LANCL2: variants seen among roughly 807,000 people sequenced by gnomAD.
LANCL2 encodes lanC-like protein 2.
Under a neutral mutation model 56.9 loss-of-function variants are expected in LANCL2, and 33 were observed. That is an observed-to-expected ratio of 0.58 (90% confidence interval 0.44 to 0.78). The LOEUF (loss-of-function observed/expected upper bound fraction) is 0.78, where lower values mean the gene tolerates loss of function less well. Ranked by LOEUF, LANCL2 falls within the 30% of genes least tolerant of loss-of-function variation. LANCL2 has a pLI of 0.00. For synonymous variants in LANCL2, 233 were observed against 228.2 expected (o/e 1.02, Z -0.19); for missense variants, 562 against 580.2 (o/e 0.97, Z 0.32).
At chr7:55,391,103 G>A (rs974415847) in intron 1 of LANCL2, among the ~76,000 whole-genome samples, 3 of 144,170 alleles carry the variant, frequency 2.1e-5, no homozygotes, top group East Asian at 2.2e-4. Flanking sequence ...TGTAAGCTCC[G>A]CCTCCCGGGT....
intron 5 of LANCL2, among the ~76,000 whole-genome samples, chr7:55,403,995 G>A (rs1031534467): frequency 2.0e-5 from 3 of 152,162 alleles, no homozygotes; most frequent in African/African-American, 7.2e-5. Flanking sequence ...GTCATGTCCT[G>A]ATAACTTTGC....
At chr7:55,368,083 A>G (rs566633647) in intron 1 of LANCL2, among the ~76,000 whole-genome samples, 111 of 152,378 alleles carry the variant, frequency 7.3e-4, no homozygotes, top group South Asian at 1.4e-3. Context: ...GGTAGGTTAC[A>G]GCAATGCTTA....
intron 2 of LANCL2, chr7:55,394,181 G>A (rs191085621): frequency 6.6e-6 from 1 of 152,322 alleles, no homozygotes; most frequent in Admixed American, 6.5e-5. Context: ...CATCATGGAA[G>A]TATTTGGTTT....
At position 55,402,811 on chromosome 7, in the gene LANCL2, C is replaced by T. The variant is rs796126445; in HGVS notation, c.825+1491C>T. On this transcript the variant is annotated intron_variant, in intron 5 of 8. Transcript: ENST00000254770. ...CTCCTCACTTCTCAGACGGGGCGGC[C>T]GGGCAGAGACGCTCCTCACATCCCA... Among the ~76,000 whole-genome samples, 18 of 131,060 alleles carry T rather than the reference C, an allele frequency of 1.4e-4. 1 individual carries two copies. Among genetic ancestry groups the T allele is most frequent in the African/African-American group, 4.5e-4 (15 of 33,552 alleles). 86.0% of individuals were successfully genotyped at this position (131,060 alleles called of 152,430 possible). A position where few individuals can be genotyped will look rare whatever the true frequency, so the allele number is the denominator to read the frequency against.
intron 1 of LANCL2, among the ~76,000 whole-genome samples, chr7:55,386,748 G>A (rs1377704737): frequency 6.6e-6 from 1 of 152,298 alleles, no homozygotes; most frequent in South Asian, 2.1e-4. Flanking sequence ...GTGGGTGAAG[G>A]TATCATCTTC....
chr7:55,430,268 A>G (rs2128997047), intron 8 of LANCL2, among the ~76,000 whole-genome samples: 1 of 152,364 alleles, frequency 6.6e-6, no homozygotes, highest in East Asian at 1.9e-4. Flanking sequence ...AAAATGGGTA[A>G]ACAATCTGCA....
chr7:55,429,045 A>G (rs999912719), intron 8 of LANCL2, among the ~76,000 whole-genome samples: 2 of 152,156 alleles, frequency 1.3e-5, no homozygotes, highest in Non-Finnish European at 2.9e-5. Context: ...GTATGTGGGT[A>G]TGGGCGTGCT....
chr7:55,373,804 C>T (rs1789972143), intron 1 of LANCL2, among the ~76,000 whole-genome samples: 1 of 152,108 alleles, frequency 6.6e-6, no homozygotes, highest in African/African-American at 2.4e-5. Context: ...GATGACATTC[C>T]AGGCTACTGT....
rs565680060 is a variant in LANCL2 at position 55,366,169 on chromosome 7, C to T, written c.144C>T (p.Gly48=). 5.8e-6 allele frequency: 9 copies of T among 1,559,312 alleles called. No homozygotes were observed. Among genetic ancestry groups the T allele is most frequent in the South Asian group, 1.2e-5 (1 of 84,598 alleles). ...CCTCCGGAGCGGCCGAAGAGACAGG[C>T]TGTGTTCGTCCCCCGGCGACCACGG... ...LLASGAAEET[G]CVRPPATTDE... Residue 48 remains glycine (G), a synonymous_variant, in exon 1 of 9, where the codon GGC becomes GGT. Coordinates refer to ENST00000254770, the MANE Select transcript of LANCL2 (RefSeq NM_018697.4).
chr7:55,425,159 A>G, intron 6 of LANCL2, 95 bp from the exon 7 acceptor site: 1 of 1,259,200 alleles, frequency 7.9e-7, no homozygotes, highest in Non-Finnish European at 1.1e-6. Flanking sequence ...AGTTTTCCTA[A>G]TATCATGCCA....
At position 55,392,624 on chromosome 7, in the gene LANCL2, C is replaced by G. The variant is rs561302078; in HGVS notation, c.322+714C>G. Among the ~76,000 whole-genome samples, 31 of 152,292 alleles carry G rather than the reference C, an allele frequency of 2.0e-4. No individual in the cohort carries two copies. In the South Asian group the frequency reaches 5.4e-3, roughly 26 times the overall value. Reference sequence around the variant, plus strand: ...TCAGCCTCCCAAAGTGCTGGGATTACAGGCGTGAGCCACTAGCCTGGCTGA... The same window carrying G: ...TCAGCCTCCCAAAGTGCTGGGATTAGAGGCGTGAGCCACTAGCCTGGCTGA... On this transcript the variant is annotated intron_variant, in intron 2 of 8. Transcript: ENST00000254770.
intron 1 of LANCL2, chr7:55,379,736 A>C (rs570106394): frequency 7.2e-5 from 11 of 152,640 alleles, no homozygotes; most frequent in Non-Finnish European, 1.2e-4. Context: ...CCAGACAGTT[A>C]CTCTTTTTGG....
At chr7:55,429,574 CAG>C (rs1424078899) in intron 8 of LANCL2, among the ~76,000 whole-genome samples, 1 of 152,170 alleles carries the variant, frequency 6.6e-6, no homozygotes, top group Non-Finnish European at 1.5e-5. Flanking sequence ...GAGCAGAAAA[CAG>C]AGCATGTGTC....
intron 5 of LANCL2, among the ~76,000 whole-genome samples, chr7:55,409,049 A>G (rs1412277711): frequency 6.6e-6 from 1 of 151,908 alleles, no homozygotes; most frequent in Non-Finnish European, 1.5e-5. Flanking sequence ...GGACTTTGCA[A>G]CAGTTTCATT....
chr7:55,366,659 C>T (rs1478556492), intron 1 of LANCL2, among the ~76,000 whole-genome samples: 1 of 152,224 alleles, frequency 6.6e-6, no homozygotes, highest in Admixed American at 6.5e-5. Context: ...GACAAAGAAG[C>T]ATTGTCCGTA....
intron 6 of LANCL2, among the ~76,000 whole-genome samples, chr7:55,419,344 T>C (rs1025281744): frequency 1.3e-5 from 2 of 151,804 alleles, no homozygotes; most frequent in Non-Finnish European, 2.9e-5. Flanking sequence ...TATTCATACC[T>C]CTTTTTTTTA....
chr7:55,415,832 C>T (rs954096986), intron 6 of LANCL2, among the ~76,000 whole-genome samples: 3 of 151,958 alleles, frequency 2.0e-5, no homozygotes, highest in African/African-American at 7.3e-5. Context: ...CCAGGCTAGT[C>T]TTGAACTCCT....
chr7:55,409,917 A>C (rs1346005152), intron 5 of LANCL2, among the ~76,000 whole-genome samples: 2 of 152,248 alleles, frequency 1.3e-5, no homozygotes, highest in African/African-American at 4.8e-5. Context: ...GGAGCAAACA[A>C]TATTTGCATA....
chr7:55,428,617 C>T (rs1314869393), intron 8 of LANCL2, among the ~76,000 whole-genome samples, 170 bp downstream of exon 8: 1 of 152,094 alleles, frequency 6.6e-6, no homozygotes, highest in Non-Finnish European at 1.5e-5. Flanking sequence ...CTTCACCTTA[C>T]CTATTGTTTT....
Sources: gnomAD v4.1 joint callset for allele counts (sites outside exome capture counted in the v4.1 genomes callset) on GRCh38, gnomAD v4.1.1 for gene constraint, MANE v1.5 for transcripts, NCBI Gene and HGNC (gene_info 2026-07-23, HGNC 2026-07-21) for gene names.